Variants in RPS6KC1 observed in about 807,000 individuals in gnomAD.
RPS6KC1 encodes the protein ribosomal protein S6 kinase C1, also known as inactive ribosomal protein S6 kinase delta-1.
In RPS6KC1, 54 loss-of-function variants were observed where a neutral mutation model predicts 103.8. The ratio of observed to expected loss-of-function variants is 0.52; its 90% CI spans 0.42 to 0.65. RPS6KC1 has a LOEUF of 0.65. RPS6KC1 is among the 30% of genes least tolerant of loss of function. The pLI, the probability that RPS6KC1 is intolerant of heterozygous loss-of-function variation, is 0.00. For synonymous variants in RPS6KC1, 439 were observed against 438.7 expected (o/e 1.00, Z -0.01); for missense variants, 1,151 against 1,253.8 (o/e 0.92, Z 1.24).
chr1:213,093,595 G>A (rs1338908006), intron 3 of RPS6KC1, among the ~76,000 whole-genome samples: 2 of 152,038 alleles, frequency 1.3e-5, no homozygotes, highest in Admixed American at 6.6e-5. Flanking sequence ...GCATATGATC[G>A]AGCTGATGTA....
chr1:213,831,898 C>T, the RPS6KC1 span, among the ~76,000 whole-genome samples: 1 of 152,174 alleles, frequency 6.6e-6, no homozygotes, highest in Non-Finnish European at 1.5e-5. Flanking sequence ...TACCTGGCTT[C>T]CTCTGCGCTA....
chr1:213,695,566 G>GA, the RPS6KC1 span, among the ~76,000 whole-genome samples: 1,098 of 152,180 alleles, frequency 7.2e-3, 18 homozygotes, highest in African/African-American at 0.025. Context: ...AGCCCATTGG[G>GA]AAAAAAAGAG....
chr1:213,665,143 CA>C, the RPS6KC1 span, among the ~76,000 whole-genome samples: 1 of 151,768 alleles, frequency 6.6e-6, no homozygotes, highest in East Asian at 1.9e-4. Context: ...AGCATAATGC[CA>C]AAGCCAGGAA....
chr1:213,383,192 C>G, the RPS6KC1 span, among the ~76,000 whole-genome samples: 126 of 148,840 alleles, frequency 8.5e-4, no homozygotes, highest in African/African-American at 2.8e-3. Flanking sequence ...GAAATCCCCC[C>G]CTGAATGGGG....
chr1:213,293,149 G>T, the RPS6KC1 span, among the ~76,000 whole-genome samples: 1 of 152,170 alleles, frequency 6.6e-6, no homozygotes, highest in Admixed American at 6.5e-5. Context: ...GCCTGCACTG[G>T]CCTTTCTTTG....
intron 3 of RPS6KC1, among the ~76,000 whole-genome samples, chr1:213,092,671 C>CAAA (rs56935040): frequency 1.2e-5 from 1 of 82,720 alleles, no homozygotes; most frequent in Non-Finnish European, 2.5e-5. Flanking sequence ...GACTCCATCT[C>CAAA]AAAAAAAAAA....
chr1:213,487,495 A>ATT, the RPS6KC1 span, among the ~76,000 whole-genome samples: 3 of 149,210 alleles, frequency 2.0e-5, no homozygotes, highest in African/African-American at 7.4e-5. Context: ...AGCCTGAGTG[A>ATT]TTTTTTTTTT....
intron 6 of RPS6KC1, among the ~76,000 whole-genome samples, chr1:213,148,797 A>G (rs1189422195): frequency 6.6e-6 from 1 of 152,146 alleles, no homozygotes; most frequent in African/African-American, 2.4e-5. Context: ...CAATGAAGCC[A>G]TCAGTCCTGG....
At chr1:213,428,194 A>G in the RPS6KC1 span, among the ~76,000 whole-genome samples, 24 of 152,278 alleles carry the variant, frequency 1.6e-4, no homozygotes, top group South Asian at 1.5e-3. Context: ...ACCAAGTTAT[A>G]TGAGAGAGTC....
chr1:213,511,353 G>A, the RPS6KC1 span, among the ~76,000 whole-genome samples: 13 of 152,224 alleles, frequency 8.5e-5, no homozygotes, highest in Non-Finnish European at 1.3e-4. Context: ...CTGGCAAGCC[G>A]GGGCTGGCCA....
chr1:213,216,784 C>G lies in RPS6KC1; in HGVS notation c.1045-13713C>G, dbSNP rs545749320. On this transcript the variant is annotated intron_variant, in intron 8 of 14. Coordinates refer to ENST00000366960, the MANE Select transcript of RPS6KC1 (RefSeq NM_012424.6). ...TCCTGAATGACTACTGGGTACATAA[C>G]GAAATGAAGGCAGAAATAAAGATGT... 2.5e-3 allele frequency among the ~76,000 whole-genome samples: 382 copies of G among 152,112 alleles called. 1 individual carries two copies. The highest frequency in any genetic ancestry group is 4.3e-3 in the Non-Finnish European group (291 of 67,986).
At chr1:213,307,060 GTTT>G in the RPS6KC1 span, among the ~76,000 whole-genome samples, 4 of 130,464 alleles carry the variant, frequency 3.1e-5, no homozygotes, top group African/African-American at 6.0e-5. Context: ...AAGGATGCAG[GTTT>G]TTTTTTTTTT....
chr1:213,432,407 A>C, the RPS6KC1 span, among the ~76,000 whole-genome samples: 2 of 152,252 alleles, frequency 1.3e-5, no homozygotes, highest in African/African-American at 4.8e-5. Context: ...CTAGAACTGC[A>C]CTATCCAATT....
chr1:213,728,025 A>C, the RPS6KC1 span, among the ~76,000 whole-genome samples: 1 of 152,210 alleles, frequency 6.6e-6, no homozygotes, highest in African/African-American at 2.4e-5. Flanking sequence ...GGGGAGAAGA[A>C]GCCAGGATGC....
intron 8 of RPS6KC1, among the ~76,000 whole-genome samples, chr1:213,210,381 AT>A (rs1468936071): frequency 1.3e-5 from 2 of 152,226 alleles, no homozygotes; most frequent in Non-Finnish European, 2.9e-5. Flanking sequence ...GTGTCTTAAC[AT>A]TTCAAATAAT....
chr1:213,244,225 T>C (rs1358122734), intron 12 of RPS6KC1, among the ~76,000 whole-genome samples: 1 of 151,876 alleles, frequency 6.6e-6, no homozygotes, highest in African/African-American at 2.4e-5. Context: ...TCCTCCCCAC[T>C]TTCTAATTTG....
At chr1:213,746,114 T>A in the RPS6KC1 span, among the ~76,000 whole-genome samples, 1 of 152,168 alleles carries the variant, frequency 6.6e-6, no homozygotes, top group Non-Finnish European at 1.5e-5. Flanking sequence ...TATATTCTAG[T>A]GAGAGAAGAT....
At chr1:213,686,108 G>A in the RPS6KC1 span, among the ~76,000 whole-genome samples, 1 of 152,158 alleles carries the variant, frequency 6.6e-6, no homozygotes, top group African/African-American at 2.4e-5. Context: ...GCTCACTCCA[G>A]CCTCCTAGTT....
chr1:213,078,938 G>C (rs2079605318), intron 3 of RPS6KC1, among the ~76,000 whole-genome samples: 1 of 151,980 alleles, frequency 6.6e-6, no homozygotes, highest in Admixed American at 6.6e-5. Context: ...CTCTGTATCA[G>C]TGTGTGTGTA....
Sources: allele counts gnomAD v4.1 joint callset (sites outside exome capture counted in the v4.1 genomes callset), GRCh38; gene constraint gnomAD v4.1.1; transcripts MANE v1.5; gene names NCBI Gene and HGNC (gene_info 2026-07-23, HGNC 2026-07-21).